The following ZDHHC20 variants were observed in gnomAD, a reference collection of about 807,000 sequenced individuals.
ZDHHC20 encodes zDHHC palmitoyltransferase 20, also known as palmitoyltransferase ZDHHC20.
ZDHHC20 carries 43 observed loss-of-function variants against 57.8 expected under a neutral mutation model. The observed-to-expected ratio is 0.74, with a 90% CI of 0.58 to 0.96. The LOEUF is 0.96. ZDHHC20 is among the 40% of genes least tolerant of loss of function. ZDHHC20 has a pLI of 0.00. For missense variants in ZDHHC20, 391 were observed against 441.1 expected, an observed-to-expected ratio of 0.89 and a Z score of 1.02; for synonymous variants, 157 against 153.0, an observed-to-expected ratio of 1.03 and a Z score of -0.19.
At chr13:21,380,985 A>G (rs1374365965) in intron 11 of ZDHHC20, among the ~76,000 whole-genome samples, 1 of 151,042 alleles carries the variant, frequency 6.6e-6, no homozygotes, top group Non-Finnish European at 1.5e-5. Context: ...CCCTATATAT[A>G]TTTTATTTAT....
chr13:21,402,915 CTAATT>C (rs1344199847), intron 4 of ZDHHC20, 49 bp from the exon 5 acceptor site: 1 of 1,404,242 alleles, frequency 7.1e-7, no homozygotes, highest in Admixed American at 2.1e-5. Context: ...ACAAACTTAA[CTAATT>C]TGACATTAAA....
chr13:21,397,153 G>A (rs1876919306), intron 7 of ZDHHC20, among the ~76,000 whole-genome samples: 1 of 151,694 alleles, frequency 6.6e-6, no homozygotes, highest in Admixed American at 6.6e-5. Context: ...CCAGCATTTT[G>A]GGAGACCGAG....
intron 7 of ZDHHC20, among the ~76,000 whole-genome samples, chr13:21,396,842 A>AGAAAG (rs1555257179): frequency 7.8e-4 from 116 of 148,154 alleles, no homozygotes; most frequent in South Asian, 2.3e-3. Context: ...CAAAAAAAAA[A>AGAAAG]AAAGAAAGAA....
rs1566054151 is a variant in ZDHHC20, at chr13:21,375,142, G to C, written c.*1554C>G. 1 of 456,124 alleles carries C rather than the reference G, an allele frequency of 2.2e-6. No individual in the cohort carries two copies. The highest frequency in any genetic ancestry group is 4.4e-6 in the Non-Finnish European group (1 of 226,832). 28.3% of individuals were successfully genotyped at this position (456,124 alleles called of 1,614,324 possible). A position where few individuals can be genotyped will look rare whatever the true frequency, so the allele number is the denominator to read the frequency against. Reference sequence around the variant, plus strand: ...GAGCAAAACTCTGTGGAAAAAAGAAGAAAAAAATTTATTGGGTGAATGAAA... The same window carrying C: ...GAGCAAAACTCTGTGGAAAAAAGAACAAAAAAATTTATTGGGTGAATGAAA... On this transcript the variant is annotated 3_prime_UTR_variant, in exon 13 of 13. Transcript: ENST00000400590.
intron 8 of ZDHHC20, among the ~76,000 whole-genome samples, chr13:21,388,305 G>A (rs1227396480): frequency 6.6e-6 from 1 of 152,160 alleles, no homozygotes; most frequent in East Asian, 1.9e-4. Context: ...GCACTTCAGT[G>A]TGTTTTATAA....
At chr13:21,439,255 G>C (rs1039220083) in intron 1 of ZDHHC20, among the ~76,000 whole-genome samples, 3 of 152,068 alleles carry the variant, frequency 2.0e-5, no homozygotes, top group Admixed American at 6.6e-5. Flanking sequence ...ATCCCAACAC[G>C]TAAGGAGGCT....
chr13:21,454,258 G>A (rs1884720001), intron 1 of ZDHHC20, among the ~76,000 whole-genome samples: 1 of 152,086 alleles, frequency 6.6e-6, no homozygotes, highest in African/African-American at 2.4e-5. Context: ...CCCAGGAGGA[G>A]GAGGTTGCAG....
chr13:21,375,539 C>T lies in ZDHHC20; in HGVS notation c.*1157G>A, dbSNP rs1407297704. ...GGAAGTCAGACTTCAGACTGTGCGT[C>T]TAAGAGTAGAATCCACTTCTCAAGA... On this transcript the variant is annotated 3_prime_UTR_variant, in exon 13 of 13. Transcript: ENST00000400590. The T allele has an allele frequency of 6.1e-6, 1 of 165,016 alleles. No homozygotes were observed. The highest frequency in any genetic ancestry group is 2.4e-5 in the African/African-American group (1 of 41,540). 10.2% of individuals were successfully genotyped at this position (165,016 alleles called of 1,614,324 possible).
intron 1 of ZDHHC20, among the ~76,000 whole-genome samples, chr13:21,453,173 A>G (rs1277603770): frequency 4.6e-5 from 7 of 152,254 alleles, no homozygotes; most frequent in Non-Finnish European, 7.3e-5. Flanking sequence ...GCCCATGTTA[A>G]TATCTGCCAA....
intron 11 of ZDHHC20, among the ~76,000 whole-genome samples, chr13:21,380,416 T>C (rs1873128606): frequency 6.6e-6 from 1 of 150,568 alleles, no homozygotes; most frequent in African/African-American, 2.4e-5. Context: ...TCCTGGCCAG[T>C]GTGCTCTTTT....
intron 8 of ZDHHC20, among the ~76,000 whole-genome samples, chr13:21,388,643 A>G (rs1409137855): frequency 6.6e-6 from 1 of 152,248 alleles, no homozygotes; most frequent in Non-Finnish European, 1.5e-5. Flanking sequence ...CATCTTGGGT[A>G]ACAGGTGAGG....
chr13:21,408,567 T>G (rs1363681468), intron 4 of ZDHHC20, among the ~76,000 whole-genome samples: 1 of 152,168 alleles, frequency 6.6e-6, no homozygotes, highest in Non-Finnish European at 1.5e-5. Flanking sequence ...GCACAGATAA[T>G]TTGACTTCCT....
chr13:21,383,527 G>A (rs1873837966), intron 9 of ZDHHC20, among the ~76,000 whole-genome samples: 2 of 152,106 alleles, frequency 1.3e-5, no homozygotes, highest in Non-Finnish European at 1.5e-5. Flanking sequence ...TACCTCTATT[G>A]CAGACATAAG....
At chr13:21,442,628 G>A (rs894058985) in intron 1 of ZDHHC20, among the ~76,000 whole-genome samples, 9 of 151,822 alleles carry the variant, frequency 5.9e-5, no homozygotes, top group African/African-American at 1.7e-4. Context: ...GGTGGCATGC[G>A]CTTATAATCC....
In ZDHHC20 at chr13:21,402,839, A is replaced by T; in HGVS notation, c.398T>A (p.Leu133Gln). Residue 133 changes from leucine (L) to glutamine (Q), a missense_variant, in exon 5 of 13, where the codon CTG (leucine) becomes CAG (glutamine). Around this residue, in one of 3 missense-constraint regions of ZDHHC20, gnomAD observed 185 missense variants for 188.0 expected, o/e 0.98. Transcript: ENST00000400590. ...GTGATGCGCCCGATCAGGTTTAATC[A>T]GCTGACATTTTTCACAATATCTGAT... is the stretch of plus-strand genomic sequence containing the variant. ...KTIRYCEKCQ[L>Q]IKPDRAHHCS... 1.3e-6 allele frequency: 2 copies of T among 1,597,674 alleles called. No individual in the cohort carries two copies. Among genetic ancestry groups the T allele is most frequent in the Non-Finnish European group, 1.7e-6 (2 of 1,171,672 alleles).
Position 21,402,461 on chromosome 13 carries a change from A to T in ZDHHC20, c.440+336T>A, listed in dbSNP as rs560697540. 3.0e-4 allele frequency among the ~76,000 whole-genome samples: 46 copies of T among 152,340 alleles called. 2 individuals are homozygous for T. The South Asian group carries it at 8.5e-3, about 28-fold the overall frequency. ...AAAGTTAAGTAACTGTGTTACTAAA[A>T]GTCAAGGATTATCTGGGATTCCAAA... On this transcript the variant is annotated intron_variant, in intron 5 of 12. Transcript: ENST00000400590.
chr13:21,412,658 C>T (rs1456974976), intron 4 of ZDHHC20, among the ~76,000 whole-genome samples: 2 of 151,906 alleles, frequency 1.3e-5, no homozygotes, highest in Non-Finnish European at 2.9e-5. Flanking sequence ...AGAAGACCTA[C>T]AATCAAGGGA....
intron 9 of ZDHHC20, among the ~76,000 whole-genome samples, chr13:21,383,672 A>G (rs1873894869): frequency 6.6e-6 from 1 of 152,246 alleles, no homozygotes. Context: ...ATAATCATTC[A>G]GGCTCAAACT....
At chr13:21,403,689 GTTTT>G (rs1166149042) in intron 4 of ZDHHC20, among the ~76,000 whole-genome samples, 1 of 151,962 alleles carries the variant, frequency 6.6e-6, no homozygotes, top group Admixed American at 6.6e-5. Flanking sequence ...TTTTTTGTTT[GTTTT>G]TTTGTTTTTT....
Sources: allele counts gnomAD v4.1 joint callset (sites outside exome capture counted in the v4.1 genomes callset), GRCh38; gene constraint gnomAD v4.1.1; regional missense constraint gnomAD v4.1.1; transcripts MANE v1.5; gene names NCBI Gene and HGNC (gene_info 2026-07-23, HGNC 2026-07-21).